DNAAF11: variants seen among roughly 807,000 people sequenced by gnomAD.
DNAAF11 encodes the protein dynein axonemal assembly factor 11.
DNAAF11 carries 45 observed loss-of-function variants against 60.8 expected under a neutral mutation model. The ratio of observed to expected loss-of-function variants is 0.74; its 90% CI spans 0.58 to 0.95. The LOEUF (loss-of-function observed/expected upper bound fraction) is 0.95. Ranked by LOEUF, DNAAF11 falls within the 40% of genes least tolerant of loss-of-function variation. The probability of loss-of-function intolerance (pLI) is 0.00; values close to 1 mark genes in which losing one functional copy is unlikely to be tolerated. For synonymous variants in DNAAF11, 191 were observed against 183.5 expected (o/e 1.04, Z -0.33); for missense variants, 546 against 546.2 (o/e 1.00, Z 0.00).
chr8:132,666,339 T>G (rs777551257), intron 1 of DNAAF11, among the ~76,000 whole-genome samples: 1 of 152,216 alleles, frequency 6.6e-6, no homozygotes, highest in Non-Finnish European at 1.5e-5. Flanking sequence ...ATAATGGATA[T>G]GCTAATTACC....
At chr8:132,581,661 C>CAAAAAAAAAAAA (rs59380140) in intron 11 of DNAAF11, among the ~76,000 whole-genome samples, 3 of 82,952 alleles carry the variant, frequency 3.6e-5, no homozygotes, top group African/African-American at 9.4e-5. Flanking sequence ...GACTCTGCCT[C>CAAAAAAAAAAAA]AAAAAAAAAA....
chr8:132,663,889 T>C (rs771445577), intron 1 of DNAAF11, among the ~76,000 whole-genome samples: 29 of 152,198 alleles, frequency 1.9e-4, no homozygotes, highest in Non-Finnish European at 3.7e-4. Context: ...GGGAGGTGGA[T>C]GGCATGGATG....
intron 9 of DNAAF11, 89 bp from the exon 10 acceptor site, chr8:132,610,350 G>T: frequency 1.3e-6 from 1 of 788,488 alleles, no homozygotes; most frequent in South Asian, 1.5e-5. Context: ...ACAAATTCAA[G>T]ATACACCATT....
At chr8:132,610,327 G>A in intron 9 of DNAAF11, 66 bp from the exon 10 acceptor site, 2 of 1,019,628 alleles carry the variant, frequency 2.0e-6, no homozygotes, top group Non-Finnish European at 3.1e-6. Flanking sequence ...TTACTAAAAG[G>A]GGCATTTTCA....
In DNAAF11 at chr8:132,571,591, G is replaced by A. The variant is rs765225186; in HGVS notation, c.*715C>T. Among the ~76,000 whole-genome samples, 2 of 152,040 alleles carry A rather than the reference G, an allele frequency of 1.3e-5. No homozygotes were observed. Among genetic ancestry groups the A allele is most frequent in the Non-Finnish European group, 2.9e-5 (2 of 68,010 alleles). On this transcript the variant is annotated 3_prime_UTR_variant, in exon 12 of 12. Transcript: ENST00000620350. ...GAGAGACAGGAGAAAGGGAGGAGAA[G>A]AGAGAGGAGAAAGGGAAGAAGGAGA...
the DNAAF11 span, among the ~76,000 whole-genome samples, chr8:132,691,347 T>C: frequency 3.3e-5 from 5 of 152,184 alleles, no homozygotes; most frequent in Non-Finnish European, 7.3e-5. Context: ...GTTTGGTTAT[T>C]TGTTTTGTTT....
intron 6 of DNAAF11, among the ~76,000 whole-genome samples, chr8:132,623,941 T>A (rs1029489108): frequency 6.6e-6 from 1 of 152,084 alleles, no homozygotes; most frequent in Non-Finnish European, 1.5e-5. Context: ...GAGGCAAACA[T>A]CTCACAGACT....
intron 10 of DNAAF11, among the ~76,000 whole-genome samples, chr8:132,598,951 C>T (rs1189256268): frequency 2.0e-5 from 3 of 152,004 alleles, no homozygotes; most frequent in African/African-American, 4.8e-5. Context: ...GACAGAAACA[C>T]AAAAAACCCT....
At chr8:132,697,773 G>A in the DNAAF11 span, among the ~76,000 whole-genome samples, 1 of 152,096 alleles carries the variant, frequency 6.6e-6, no homozygotes. Context: ...TTCAAGAAAT[G>A]AGGAGTTAGT....
rs1819007922 is a variant in DNAAF11, at chr8:132,615,066, GCTTTTCGTTAT to G, written c.935_945del (p.Asp312AlafsTer10). 6.2e-7 allele frequency: 1 copy of G among 1,607,570 alleles called. No homozygotes were observed. Among genetic ancestry groups the G allele is most frequent in the African/African-American group, 1.3e-5 (1 of 74,796 alleles). ...TAGACAGCAAGGTCCAGGATGATCT[GCTTTTCGTTAT>G]CTTTCAAAGAGAAGTCAATTCTAAG... is the stretch of plus-strand genomic sequence containing the variant. On this transcript the variant is annotated frameshift_variant, in exon 8 of 12. Coordinates refer to ENST00000620350, the MANE Select transcript of DNAAF11 (RefSeq NM_012472.6). LOFTEE classifies it high-confidence loss of function.
intron 10 of DNAAF11, among the ~76,000 whole-genome samples, chr8:132,588,636 G>C (rs1301112632): frequency 1.3e-5 from 2 of 152,194 alleles, no homozygotes; most frequent in Non-Finnish European, 2.9e-5. Context: ...CCAAGGGAGG[G>C]AGCTGTGCTA....
At chr8:132,611,566 C>G (rs979448590) in intron 8 of DNAAF11, among the ~76,000 whole-genome samples, 1 of 152,080 alleles carries the variant, frequency 6.6e-6, no homozygotes, top group Admixed American at 6.5e-5. Flanking sequence ...TTTTTAGACC[C>G]ACAAGTATAC....
rs542375324 is a variant in DNAAF11, at chr8:132,647,066, T to A, written c.257-8959A>T. ...ATTCTTCTCAGCACCACATCACCCT[T>A]ATTCCAAAATTGACCACATAGTTGG... On this transcript the variant is annotated intron_variant, in intron 3 of 11. Transcript: ENST00000620350. 5.9e-5 allele frequency among the ~76,000 whole-genome samples: 9 copies of A among 152,318 alleles called. No homozygotes were observed. The South Asian group carries it at 1.7e-3, about 28-fold the overall frequency.
intron 10 of DNAAF11, among the ~76,000 whole-genome samples, chr8:132,592,580 G>A (rs1287556125): frequency 6.6e-6 from 1 of 152,088 alleles, no homozygotes; most frequent in East Asian, 1.9e-4. Context: ...AAAGATGAGA[G>A]GGTCCCCACT....
intron 11 of DNAAF11, among the ~76,000 whole-genome samples, chr8:132,574,858 T>A (rs1814577256): frequency 6.6e-6 from 1 of 152,176 alleles, no homozygotes; most frequent in Non-Finnish European, 1.5e-5. Flanking sequence ...CAGAACTAGC[T>A]GGGAACTGAA....
At chr8:132,635,417 G>A (rs911746467) in intron 4 of DNAAF11, among the ~76,000 whole-genome samples, 14 of 152,128 alleles carry the variant, frequency 9.2e-5, no homozygotes, top group Non-Finnish European at 1.6e-4. Flanking sequence ...AGTAAAATGA[G>A]GCACACAATT....
intron 11 of DNAAF11, among the ~76,000 whole-genome samples, chr8:132,581,152 G>C (rs1481094782): frequency 6.6e-6 from 1 of 152,180 alleles, no homozygotes; most frequent in East Asian, 1.9e-4. Context: ...TGATGGATTA[G>C]ACGTTTCCTC....
intron 3 of DNAAF11, among the ~76,000 whole-genome samples, chr8:132,640,681 A>G (rs1385612738): frequency 6.6e-6 from 1 of 152,148 alleles, no homozygotes; most frequent in Non-Finnish European, 1.5e-5. Flanking sequence ...AAATTTTATC[A>G]TATATTTCCT....
At chr8:132,665,553 C>G (rs1387128299) in intron 1 of DNAAF11, among the ~76,000 whole-genome samples, 1 of 151,732 alleles carries the variant, frequency 6.6e-6, no homozygotes, top group Non-Finnish European at 1.5e-5. Flanking sequence ...GAGATACCAT[C>G]TCATACCAGT....
Sources: allele counts gnomAD v4.1 joint callset (sites outside exome capture counted in the v4.1 genomes callset), GRCh38; gene constraint gnomAD v4.1.1; transcripts MANE v1.5; gene names NCBI Gene and HGNC (gene_info 2026-07-23, HGNC 2026-07-21).